C11orf91: variants seen among roughly 807,000 people sequenced by gnomAD.
The protein encoded by C11orf91 is uncharacterized protein C11orf91.
C11orf91 carries 10 observed loss-of-function variants against 14.3 expected under a neutral mutation model. That is an observed-to-expected ratio of 0.70 (90% CI 0.43 to 1.18). C11orf91 has a LOEUF of 1.18. Among genes scored for constraint, C11orf91 ranks in the 50% most tolerant of loss-of-function variants. C11orf91 has a pLI of 0.00. For missense variants in C11orf91, 236 were observed against 269.0 expected, an observed-to-expected ratio of 0.88 and a Z score of 0.86; for synonymous variants, 141 against 130.6, an observed-to-expected ratio of 1.08 and a Z score of -0.54.
rs1208071931 is a variant in C11orf91, at chr11:33,700,438, G to T, written c.303C>A (p.Ile101=). ...PSPWPSGLAS[I]PYEPLRFFYS... is the part of the protein sequence containing the mutation. ...AGAAGAAGCGCAGAGGCTCGTAGGG[G>T]ATGGAGGCCAGGCCGGAGGGCCAGG... The change falls in exon 1 of 2, where the codon ATC becomes ATA. Residue 101 remains isoleucine, a synonymous_variant. Coordinates refer to ENST00000379011, the MANE Select transcript of C11orf91 (RefSeq NM_001166692.2). 6.8e-7 allele frequency: 1 copy of T among 1,463,720 alleles called. No homozygotes were observed. The highest frequency in any genetic ancestry group is 2.1e-5 in the Admixed American group (1 of 46,950). 90.7% of individuals were successfully genotyped at this position (1,463,720 alleles called of 1,614,324 possible).
chr11:33,703,890 G>T (rs1423171721), upstream of C11orf91: 1 of 152,260 alleles, frequency 6.6e-6, no homozygotes, highest in Admixed American at 6.5e-5. Flanking sequence ...ACTCATTGCA[G>T]TTGGCACTAA....
intron 1 of C11orf91, among the ~76,000 whole-genome samples, chr11:33,699,199 G>A (rs1251262220): frequency 6.6e-6 from 1 of 152,146 alleles, no homozygotes; most frequent in Non-Finnish European, 1.5e-5. Flanking sequence ...ACTTAGCAAA[G>A]CCCAGTTTTT....
At chr11:33,699,489 T>C (rs1000323866) in intron 1 of C11orf91, 18 of 451,590 alleles carry the variant, frequency 4.0e-5, no homozygotes, top group Admixed American at 3.8e-4. Context: ...CTACTGAAAG[T>C]TCTACTTTGC....
At position 33,700,823 on chromosome 11, in the gene C11orf91, C is replaced by T. The variant is rs1433243994; in HGVS notation, c.-83G>A. Reference sequence around the variant, plus strand: ...CCCGAGTCGCCGGGGTTTCGAGGTTCCACAAGCCCCGCCCCGATGGAGCGC... The same window carrying T: ...CCCGAGTCGCCGGGGTTTCGAGGTTTCACAAGCCCCGCCCCGATGGAGCGC... On this transcript the variant is annotated 5_prime_UTR_variant, in exon 1 of 2. Coordinates refer to ENST00000379011, the MANE Select transcript of C11orf91 (RefSeq NM_001166692.2). The T allele has an allele frequency of 2.5e-6, 3 of 1,208,592 alleles. No individual in the cohort carries two copies. Among genetic ancestry groups the T allele is most frequent in the Non-Finnish European group, 3.1e-6 (3 of 961,932 alleles). 74.9% of individuals were successfully genotyped at this position (1,208,592 alleles called of 1,614,324 possible). A position where few individuals can be genotyped will look rare whatever the true frequency, so the allele number is the denominator to read the frequency against.
intron 1 of C11orf91, among the ~76,000 whole-genome samples, chr11:33,699,794 C>T (rs1042537200): frequency 2.0e-5 from 3 of 152,236 alleles, no homozygotes; most frequent in Non-Finnish European, 4.4e-5. Context: ...CCTCCCCCTA[C>T]AGACAACTGA....
upstream of C11orf91, chr11:33,703,299 T>C (rs890345887): frequency 3.3e-5 from 5 of 152,010 alleles, no homozygotes; most frequent in African/African-American, 7.3e-5. Flanking sequence ...AAAGTCCCTA[T>C]GAGGTAATAA....
chr11:33,700,637 G>A lies in C11orf91; in HGVS notation c.104C>T (p.Pro35Leu). ...CTTCCAGATGTTGAAGTCGCTGAGC[G>A]GGGACGAGGAGATGCCGCGGTCGTA... ...SLYDRGISSS[P>L]LSDFNIWKKL... Residue 35 changes from proline (P) to leucine (L), a missense_variant, in exon 1 of 2, where the codon CCG becomes CTG. Transcript: ENST00000379011. 1 of 1,473,728 alleles carries A rather than the reference G, an allele frequency of 6.8e-7. No individual in the cohort carries two copies. Among genetic ancestry groups the A allele is most frequent in the Non-Finnish European group, 9.0e-7 (1 of 1,116,862 alleles). 91.3% of individuals were successfully genotyped at this position (1,473,728 alleles called of 1,614,324 possible). A position where few individuals can be genotyped will look rare whatever the true frequency, so the allele number is the denominator to read the frequency against.
upstream of C11orf91, chr11:33,703,514 T>A (rs1029997789): frequency 5.9e-5 from 9 of 152,236 alleles, no homozygotes; most frequent in African/African-American, 2.2e-4. Flanking sequence ...ACGCCCCTGC[T>A]CCCTGGTTTC....
upstream of C11orf91, chr11:33,703,659 G>A (rs1853188936): frequency 6.6e-6 from 1 of 152,210 alleles, no homozygotes; most frequent in Admixed American, 6.5e-5. Flanking sequence ...CGTGAGGCCA[G>A]GTTAGAAAGT....
intron 1 of C11orf91, 52 bp downstream of exon 1, chr11:33,700,193 G>A: frequency 1.3e-6 from 2 of 1,493,890 alleles, no homozygotes; most frequent in Non-Finnish European, 1.8e-6. Flanking sequence ...AGCCAAGGAG[G>A]GAGCTAGGGC....
rs1853097739 is a variant in C11orf91, at chr11:33,700,236, G to A, written c.496+9C>T. ...GGCTGGGCTCGGTGGCCCTGGCGAG[G>A]TCACGCACAGCTCTGGGAGTCGAAG... On this transcript the variant is annotated intron_variant, in intron 1 of 1. Coordinates refer to ENST00000379011, the MANE Select transcript of C11orf91 (RefSeq NM_001166692.2). The A allele has an allele frequency of 6.5e-7, 1 of 1,531,712 alleles. No homozygotes were observed. The highest frequency in any genetic ancestry group is 8.7e-7 in the Non-Finnish European group (1 of 1,144,764). The allele number at this position is 1,531,712 out of a possible 1,614,324, so 94.9% of individuals were successfully genotyped here.
chr11:33,702,649 C>A, upstream of C11orf91: 1 of 242,160 alleles, frequency 4.1e-6, no homozygotes, highest in Non-Finnish European at 8.7e-6. Flanking sequence ...CACTTTGTTT[C>A]TGTAAGAACC....
chr11:33,701,794 GGAGA>G (rs373229586), upstream of C11orf91, among the ~76,000 whole-genome samples: 41 of 147,020 alleles, frequency 2.8e-4, no homozygotes, highest in African/African-American at 9.2e-4. Flanking sequence ...GCAGCAAAGT[GGAGA>G]GAGTCAGATA....
intron 1 of C11orf91, chr11:33,699,695 G>A (rs994025425): frequency 2.2e-6 from 1 of 454,190 alleles, no homozygotes; most frequent in Non-Finnish European, 4.4e-6. Context: ...CAGAGTCCCA[G>A]GGGGGCTGCC....
upstream of C11orf91, among the ~76,000 whole-genome samples, chr11:33,701,147 G>A (rs1468820612): frequency 6.6e-6 from 1 of 152,248 alleles, no homozygotes; most frequent in African/African-American, 2.4e-5. Context: ...TCTCCCATGA[G>A]GGAGAAAAGT....
chr11:33,703,104 T>C (rs1234696707), upstream of C11orf91: 1 of 152,174 alleles, frequency 6.6e-6, no homozygotes, highest in Non-Finnish European at 1.5e-5. Flanking sequence ...AAATTACAGA[T>C]TTTTTCCCCC....
rs781693926 is a variant in C11orf91, at chr11:33,700,418, A to C, written c.323T>G (p.Phe108Cys). 5.9e-6 allele frequency: 9 copies of C among 1,524,848 alleles called. No homozygotes were observed. Among genetic ancestry groups the C allele is most frequent in the South Asian group, 2.4e-5 (2 of 82,846 alleles). The allele number at this position is 1,524,848 out of a possible 1,614,324, so 94.5% of individuals were successfully genotyped here. Residue 108 changes from phenylalanine (F) to cysteine (C), a missense_variant, in exon 1 of 2, where the codon TTC becomes TGC. Phe to Cys is a radical substitution (Grantham distance 205). Transcript: ENST00000379011. The part of the protein sequence containing the change: ...LASIPYEPLR[F>C]FYSPPPGPEV... The stretch of plus-strand genomic sequence containing the variant: ...AGGCCCCGGCGGCGGTGAGTAGAAG[A>C]AGCGCAGAGGCTCGTAGGGGATGGA...
At chr11:33,699,674 C>T (rs906151254) in intron 1 of C11orf91, 2 of 456,004 alleles carry the variant, frequency 4.4e-6, no homozygotes, top group South Asian at 3.1e-5. Context: ...GAACTACCGG[C>T]GCCAAGGCCA....
chr11:33,700,172 T>G, intron 1 of C11orf91, 73 bp downstream of exon 1: 1 of 1,447,146 alleles, frequency 6.9e-7, no homozygotes, highest in South Asian at 1.4e-5. Flanking sequence ...ACATTTCGGG[T>G]CGGGGCACGG....
Sources: gnomAD v4.1 joint callset for allele counts (sites outside exome capture counted in the v4.1 genomes callset) on GRCh38, gnomAD v4.1.1 for gene constraint, MANE v1.5 for transcripts, NCBI Gene and HGNC (gene_info 2026-07-23, HGNC 2026-07-21) for gene names.